The following GPC5 variants were observed in gnomAD, a reference collection of about 807,000 sequenced individuals.
GPC5 encodes the protein glypican-5.
GPC5 carries 47 observed loss-of-function variants against 53.9 expected under a neutral mutation model. The ratio of observed to expected loss-of-function variants is 0.87; its 90% CI spans 0.69 to 1.11. The LOEUF (loss-of-function observed/expected upper bound fraction) is 1.11. Ranked by LOEUF, GPC5 falls within the 50% of genes most tolerant of loss-of-function variation. GPC5 has a pLI of 0.00. For synonymous variants in GPC5, 286 were observed against 263.3 expected (o/e 1.09, Z -0.84); for missense variants, 748 against 713.1 (o/e 1.05, Z -0.56).
intron 2 of GPC5, among the ~76,000 whole-genome samples, chr13:91,514,917 A>G (rs867163175): frequency 6.6e-6 from 1 of 152,218 alleles, no homozygotes; most frequent in African/African-American, 2.4e-5. Context: ...AAAGTCTAGA[A>G]CTAAAGAATA....
chr13:91,748,102 G>T (rs1456089801), intron 4 of GPC5, among the ~76,000 whole-genome samples: 1 of 152,218 alleles, frequency 6.6e-6, no homozygotes, highest in Non-Finnish European at 1.5e-5. Context: ...ACAATGTATA[G>T]ATAGGACAGG....
At chr13:92,542,576 T>C (rs965731748) in intron 7 of GPC5, among the ~76,000 whole-genome samples, 2 of 152,090 alleles carry the variant, frequency 1.3e-5, no homozygotes, top group African/African-American at 4.8e-5. Context: ...GCTCTACCAA[T>C]GAGTTTTATA....
intron 7 of GPC5, among the ~76,000 whole-genome samples, chr13:92,305,730 C>T (rs188458527): frequency 2.6e-5 from 4 of 152,276 alleles, no homozygotes; most frequent in Admixed American, 2.6e-4. Context: ...GACCCTGTGA[C>T]ATTTTAATTA....
At chr13:92,570,500 A>C (rs2139040251) in intron 7 of GPC5, among the ~76,000 whole-genome samples, 1 of 152,256 alleles carries the variant, frequency 6.6e-6, no homozygotes, top group East Asian at 1.9e-4. Flanking sequence ...ATAAAAATAA[A>C]GGTTATTTAA....
At chr13:92,365,190 G>GATAT (rs2043598269) in intron 7 of GPC5, among the ~76,000 whole-genome samples, 1 of 151,746 alleles carries the variant, frequency 6.6e-6, no homozygotes, top group Admixed American at 6.5e-5. Flanking sequence ...CAGGCTGTGT[G>GATAT]ATATAGCCTG....
intron 7 of GPC5, among the ~76,000 whole-genome samples, chr13:92,683,245 AGAG>A (rs1333982598): frequency 2.0e-5 from 3 of 152,240 alleles, no homozygotes; most frequent in Admixed American, 1.3e-4. Flanking sequence ...GAGAAAACGT[AGAG>A]GAGGAGAAGA....
chr13:92,629,835 A>G (rs1324756341), intron 7 of GPC5, among the ~76,000 whole-genome samples: 1 of 152,184 alleles, frequency 6.6e-6, no homozygotes, highest in Admixed American at 6.5e-5. Flanking sequence ...CTTGACAAAT[A>G]TTGACAATAT....
At chr13:92,677,531 T>G (rs1158401879) in intron 7 of GPC5, among the ~76,000 whole-genome samples, 1 of 152,176 alleles carries the variant, frequency 6.6e-6, no homozygotes, top group East Asian at 1.9e-4. Flanking sequence ...CAGTGAGTCC[T>G]GAGAAAGAAG....
intron 3 of GPC5, among the ~76,000 whole-genome samples, chr13:91,703,405 A>T (rs1005495082): frequency 6.6e-6 from 1 of 152,162 alleles, no homozygotes; most frequent in South Asian, 2.1e-4. Context: ...ATTGTATCAA[A>T]TGCTTTTTTG....
chr13:92,806,044 A>T (rs1877088033), intron 7 of GPC5, among the ~76,000 whole-genome samples: 1 of 152,018 alleles, frequency 6.6e-6, no homozygotes, highest in South Asian at 2.1e-4. Context: ...CCTAGATGGC[A>T]TCTTCTTCCA....
At chr13:92,786,472 A>G (rs1157496943) in intron 7 of GPC5, among the ~76,000 whole-genome samples, 1 of 152,078 alleles carries the variant, frequency 6.6e-6, no homozygotes, top group Non-Finnish European at 1.5e-5. Flanking sequence ...CCCCACTGAG[A>G]CTGGCATATC....
chr13:92,817,878 A>G (rs906583653), intron 7 of GPC5, among the ~76,000 whole-genome samples: 9 of 151,916 alleles, frequency 5.9e-5, no homozygotes, highest in Non-Finnish European at 1.2e-4. Flanking sequence ...GGGCTTTTTA[A>G]TTTGTCTCTT....
intron 2 of GPC5, among the ~76,000 whole-genome samples, chr13:91,563,787 A>G (rs1264734085): frequency 2.7e-5 from 4 of 150,386 alleles, no homozygotes; most frequent in Admixed American, 2.6e-4. Flanking sequence ...ACTCTGACCA[A>G]TTCCTTCCTC....
At chr13:92,016,108 G>A (rs757029425) in intron 6 of GPC5, among the ~76,000 whole-genome samples, 9 of 152,102 alleles carry the variant, frequency 5.9e-5, no homozygotes, top group South Asian at 2.1e-4. Context: ...GATAAGAATC[G>A]GGTCAAGAAA....
chr13:91,545,404 C>G (rs1050105594), intron 2 of GPC5, among the ~76,000 whole-genome samples: 16 of 152,046 alleles, frequency 1.1e-4, no homozygotes, highest in Non-Finnish European at 2.2e-4. Flanking sequence ...ATTTACCCAT[C>G]TTTTGGTTTT....
intron 1 of GPC5, among the ~76,000 whole-genome samples, chr13:91,429,738 A>G (rs942904751): frequency 1.3e-5 from 2 of 152,210 alleles, no homozygotes; most frequent in Non-Finnish European, 2.9e-5. Flanking sequence ...TGCAAAACAA[A>G]CACTTGTGGT....
At chr13:91,578,422 T>C (rs1278104000) in intron 2 of GPC5, among the ~76,000 whole-genome samples, 1 of 152,178 alleles carries the variant, frequency 6.6e-6, no homozygotes, top group African/African-American at 2.4e-5. Flanking sequence ...TCTTCCAGAA[T>C]TTACTACCCC....
At chr13:91,802,292 A>G (rs2038148526) in intron 5 of GPC5, among the ~76,000 whole-genome samples, 1 of 151,412 alleles carries the variant, frequency 6.6e-6, no homozygotes, top group Non-Finnish European at 1.5e-5. Flanking sequence ...GCAGACACAG[A>G]CCTTCACAGT....
chr13:91,413,866 A>T (rs886523967), intron 1 of GPC5, among the ~76,000 whole-genome samples: 1 of 152,196 alleles, frequency 6.6e-6, no homozygotes, highest in African/African-American at 2.4e-5. Flanking sequence ...CTCAAAAATC[A>T]TCCCTGGAAA....
Sources: allele counts gnomAD v4.1 joint callset (sites outside exome capture counted in the v4.1 genomes callset), GRCh38; gene constraint gnomAD v4.1.1; transcripts MANE v1.5; gene names NCBI Gene and HGNC (gene_info 2026-07-23, HGNC 2026-07-21).